The following PCDHGB2 variants were observed in gnomAD, a reference collection of about 807,000 sequenced individuals.
PCDHGB2 encodes protocadherin gamma-B2.
Under a neutral mutation model 59.3 loss-of-function variants are expected in PCDHGB2, and 55 were observed. The ratio of observed to expected loss-of-function variants is 0.93; its 90% CI spans 0.75 to 1.16. PCDHGB2 has a LOEUF of 1.16. PCDHGB2 is among the 50% of genes most tolerant of loss of function. PCDHGB2 has a pLI of 0.00. For synonymous variants in PCDHGB2, 516 were observed against 512.0 expected (o/e 1.01, Z -0.11); for missense variants, 1,228 against 1,198.5 (o/e 1.02, Z -0.36).
chr5:141,420,613 A>G (rs536307424), intron 1 of PCDHGB2, among the ~76,000 whole-genome samples: 53 of 152,194 alleles, frequency 3.5e-4, no homozygotes, highest in Non-Finnish European at 1.9e-4. Flanking sequence ...CAAGTATTTC[A>G]TCTTCATTTA....
At position 141,477,687 on chromosome 5, in the gene PCDHGB2, C is replaced by A. The variant is rs1206813120; in HGVS notation, c.2422-17120C>A. The A allele has an allele frequency of 5.6e-6, 9 of 1,614,022 alleles. No homozygotes were observed. The highest frequency in any genetic ancestry group is 7.6e-6 in the Non-Finnish European group (9 of 1,180,040). ...AATGGCATAGTGTCATCCTTAGTGC[C>A]CCTAGACTATGAGGATCGGCGGGAA... On this transcript the variant is annotated intron_variant, in intron 1 of 3. Coordinates refer to ENST00000522605, the MANE Select transcript of PCDHGB2 (RefSeq NM_018923.3). This position sits in a 1 kb window ranked among gnomAD's most constrained non-coding sequence, Gnocchi z 4.9.
rs778744503 is a variant in PCDHGB2, at chr5:141,511,152, G to A, written c.2775G>A (p.Ser925=). Residue 925 remains serine (S), a synonymous_variant, in exon 4 of 4, where the codon TCG becomes TCA. Transcript: ENST00000522605. The part of the protein sequence containing the change: ...PAGGNGNKKK[S]GKKEKK ...GTGGCAATGGCAACAAGAAGAAGTCGGGCAAGAAGGAGAAGAAGTAACATG... is the reference window on the plus strand; with the variant it reads ...GTGGCAATGGCAACAAGAAGAAGTCAGGCAAGAAGGAGAAGAAGTAACATG... The A allele has an allele frequency of 2.0e-5, 32 of 1,614,022 alleles. No individual in the cohort carries two copies. Among genetic ancestry groups the A allele is most frequent in the South Asian group, 4.4e-5 (4 of 91,090 alleles).
intron 1 of PCDHGB2, chr5:141,366,496 A>T (rs1346215388): frequency 6.2e-7 from 1 of 1,614,218 alleles, no homozygotes; most frequent in East Asian, 2.2e-5. Context: ...GGCACAAGTC[A>T]CGCCTGCTTC....
chr5:141,503,713 C>T (rs867005984), intron 2 of PCDHGB2, among the ~76,000 whole-genome samples: 6 of 152,134 alleles, frequency 3.9e-5, no homozygotes, highest in Non-Finnish European at 8.8e-5. Context: ...TCCCCTTCAA[C>T]CCTAGCTTTA....
At position 141,487,219 on chromosome 5, in the gene PCDHGB2, A is replaced by G. The variant is rs750819958; in HGVS notation, c.2422-7588A>G. ...CAGATCTTCGAGAATCTTCAGCTCC[A>G]AGGGAAGGAGAATCTCGTCTAACCC... On this transcript the variant is annotated intron_variant, in intron 1 of 3. Transcript: ENST00000522605. This position sits in a 1 kb window ranked among gnomAD's most constrained non-coding sequence, Gnocchi z 5.0. The G allele has an allele frequency of 1.2e-6, 2 of 1,613,952 alleles. No individual in the cohort carries two copies. The highest frequency in any genetic ancestry group is 3.3e-5 in the Admixed American group (2 of 60,020).
In PCDHGB2 at chr5:141,489,261, A is replaced by C; in HGVS notation, c.2422-5546A>C. 6.4e-7 allele frequency: 1 copy of C among 1,551,956 alleles called. No individual in the cohort carries two copies. Among genetic ancestry groups the C allele is most frequent in the East Asian group, 2.2e-5 (1 of 44,450 alleles). Reference sequence around the variant, plus strand: ...GGGTCATGGGGCCCAAGACACTCCCACAGCTCGCTGGGAAATGGCAAGTGC... The same window carrying C: ...GGGTCATGGGGCCCAAGACACTCCCCCAGCTCGCTGGGAAATGGCAAGTGC... On this transcript the variant is annotated intron_variant, in intron 1 of 3. Coordinates refer to ENST00000522605, the MANE Select transcript of PCDHGB2 (RefSeq NM_018923.3). The surrounding 1 kb of genome is among the most constrained non-coding windows in gnomAD (Gnocchi z 4.5).
chr5:141,446,821 T>C lies in PCDHGB2; in HGVS notation c.2422-47986T>C, dbSNP rs183143971. ...CATTGTGATCATCTAGTCAGATGGG[T>C]AGATCCTTATAAGGCTGAGCATAAT... On this transcript the variant is annotated intron_variant, in intron 1 of 3. Coordinates refer to ENST00000522605, the MANE Select transcript of PCDHGB2 (RefSeq NM_018923.3). 1.6e-3 allele frequency among the ~76,000 whole-genome samples: 244 copies of C among 152,302 alleles called. 2 individuals carry two copies. The highest frequency in any genetic ancestry group is 5.4e-3 in the African/African-American group (223 of 41,572).
At position 141,362,085 on chromosome 5, in the gene PCDHGB2, A is replaced by G; in HGVS notation, c.1950A>G (p.Gly650=). The part of the protein sequence containing the change: ...QRLLVAVRDG[G]QPPLSATATL... Reference sequence around the variant, plus strand: ...TGCTGGTCGCTGTGCGTGATGGAGGACAGCCGCCACTCTCCGCTACGGCCA... The same window carrying G: ...TGCTGGTCGCTGTGCGTGATGGAGGGCAGCCGCCACTCTCCGCTACGGCCA... The change falls in exon 1 of 4, where the codon GGA becomes GGG. Residue 650 remains glycine (G), a synonymous_variant. Transcript: ENST00000522605. 3.1e-6 allele frequency: 5 copies of G among 1,613,154 alleles called. No homozygotes were observed. Among genetic ancestry groups the G allele is most frequent in the Non-Finnish European group, 4.2e-6 (5 of 1,179,798 alleles).
At chr5:141,451,880 A>G (rs1322052501) in intron 1 of PCDHGB2, among the ~76,000 whole-genome samples, 1 of 152,106 alleles carries the variant, frequency 6.6e-6, no homozygotes, top group East Asian at 1.9e-4. Flanking sequence ...AACCCTGTCA[A>G]GAAAGAAAGG....
intron 1 of PCDHGB2, chr5:141,402,809 C>A: frequency 4.9e-6 from 6 of 1,214,046 alleles, no homozygotes; most frequent in Non-Finnish European, 6.6e-6. Flanking sequence ...CCGGCAGATA[C>A]CACAAACCTG....
chr5:141,487,920 C>G lies in PCDHGB2; in HGVS notation c.2422-6887C>G, dbSNP rs561819225. On this transcript the variant is annotated intron_variant, in intron 1 of 3. Coordinates refer to ENST00000522605, the MANE Select transcript of PCDHGB2 (RefSeq NM_018923.3). This position sits in a 1 kb window ranked among gnomAD's most constrained non-coding sequence, Gnocchi z 5.0. ...TGGAATGTGGGAGCACAGGAGGCTA[C>G]AGTGCACAGGGTACAGTGCACCAGG... The G allele has an allele frequency of 4.7e-6, 3 of 644,662 alleles. No individual in the cohort carries two copies. The Admixed American group carries it at 8.5e-5, about 18-fold the overall frequency. 39.9% of individuals were successfully genotyped at this position (644,662 alleles called of 1,614,324 possible).
At chr5:141,390,146 T>C (rs2092063198) in intron 1 of PCDHGB2, 1 of 1,614,026 alleles carries the variant, frequency 6.2e-7, no homozygotes, top group Non-Finnish European at 8.5e-7. Context: ...ATCTATGTGT[T>C]GCACATACAG....
At chr5:141,428,551 G>A (rs1192248816) in intron 1 of PCDHGB2, 1 of 254,070 alleles carries the variant, frequency 3.9e-6, no homozygotes, top group Non-Finnish European at 7.8e-6. Flanking sequence ...ACCAGAAACA[G>A]TCCCCCCACA....
chr5:141,450,179 A>G (rs1472867634), intron 1 of PCDHGB2, among the ~76,000 whole-genome samples: 1 of 151,100 alleles, frequency 6.6e-6, no homozygotes, highest in African/African-American at 2.4e-5. Flanking sequence ...CACCACACCC[A>G]GCTAATTTTT....
intron 1 of PCDHGB2, among the ~76,000 whole-genome samples, chr5:141,451,106 G>A (rs1204327490): frequency 1.3e-5 from 2 of 152,164 alleles, no homozygotes; most frequent in African/African-American, 4.8e-5. Context: ...GGGATTACAG[G>A]CGTGAGCCAC....
chr5:141,431,748 G>A lies in PCDHGB2; in HGVS notation c.2422-63059G>A, dbSNP rs759671844. On this transcript the variant is annotated intron_variant, in intron 1 of 3. Coordinates refer to ENST00000522605, the MANE Select transcript of PCDHGB2 (RefSeq NM_018923.3). This position sits in a 1 kb window ranked among gnomAD's most constrained non-coding sequence, Gnocchi z 4.8. ...ATGGATAATGCAGGATATTCTGCGC[G>A]AGCCAAAGTCCTGATCACTGTTCTG... 4 of 1,614,078 alleles carry A rather than the reference G, an allele frequency of 2.5e-6. No individual in the cohort carries two copies. Among genetic ancestry groups the A allele is most frequent in the African/African-American group, 1.3e-5 (1 of 74,934 alleles).
At chr5:141,428,147 G>C (rs771536400) in intron 1 of PCDHGB2, 1 of 1,589,612 alleles carries the variant, frequency 6.3e-7, no homozygotes, top group Admixed American at 1.7e-5. Flanking sequence ...GGCTGCACAC[G>C]GGAACCTGCT....
chr5:141,452,459 C>T (rs545368648), intron 1 of PCDHGB2, among the ~76,000 whole-genome samples: 38 of 152,246 alleles, frequency 2.5e-4, no homozygotes, highest in Middle Eastern at 6.8e-3. Context: ...TGTCAGCAGA[C>T]GGAGCTAGGA....
intron 1 of PCDHGB2, among the ~76,000 whole-genome samples, chr5:141,481,782 T>C (rs1348977678): frequency 6.6e-6 from 1 of 152,008 alleles, no homozygotes; most frequent in African/African-American, 2.4e-5. Context: ...TGAAACCCCG[T>C]CTCTACTAAA....
Sources: gnomAD v4.1 joint callset for allele counts (sites outside exome capture counted in the v4.1 genomes callset) on GRCh38, gnomAD v4.1.1 for gene constraint, Gnocchi (gnomAD v3.1) non-coding constraint, MANE v1.5 for transcripts, NCBI Gene and HGNC (gene_info 2026-07-23, HGNC 2026-07-21) for gene names.